The following CBFA2T2 variants were observed in gnomAD, a reference collection of about 807,000 sequenced individuals.
The protein encoded by CBFA2T2 is CBFA2/RUNX1 partner transcriptional co-repressor 2.
Under a neutral mutation model 62.2 loss-of-function variants are expected in CBFA2T2, and 11 were observed. The observed-to-expected ratio is 0.18, with a 90% CI of 0.11 to 0.29. The LOEUF (loss-of-function observed/expected upper bound fraction) is 0.29. Ranked by LOEUF, CBFA2T2 falls within the 10% of genes least tolerant of loss-of-function variation. CBFA2T2 has a pLI of 1.00. For synonymous variants in CBFA2T2, 295 were observed against 287.5 expected, an observed-to-expected ratio of 1.03 and a Z score of -0.27; for missense variants, 592 against 774.1, an observed-to-expected ratio of 0.76 and a Z score of 2.79.
intron 1 of CBFA2T2, among the ~76,000 whole-genome samples, chr20:33,503,808 C>G (rs1458611684): frequency 1.3e-5 from 2 of 151,662 alleles, no homozygotes; most frequent in Non-Finnish European, 2.9e-5. Context: ...GCATATGCCA[C>G]TATGCGTGGC....
intron 6 of CBFA2T2, among the ~76,000 whole-genome samples, chr20:33,626,964 T>A (rs8124664): frequency 0.12 from 18,697 of 152,200 alleles, 3,182 homozygotes; most frequent in African/African-American, 0.37. Flanking sequence ...CAAAAATCAC[T>A]TAGCTAATAA....
At chr20:33,510,585 G>T (rs569881669) in intron 1 of CBFA2T2, among the ~76,000 whole-genome samples, 3 of 152,078 alleles carry the variant, frequency 2.0e-5, no homozygotes, top group Admixed American at 2.0e-4. Context: ...GAATAGTGCC[G>T]CAATAAACAT....
At chr20:33,503,710 C>T (rs1277465557) in intron 1 of CBFA2T2, among the ~76,000 whole-genome samples, 2 of 152,084 alleles carry the variant, frequency 1.3e-5, no homozygotes, top group Non-Finnish European at 2.9e-5. Flanking sequence ...TTTTTTGTGA[C>T]AGGGTCTTAC....
intron 1 of CBFA2T2, among the ~76,000 whole-genome samples, chr20:33,590,170 C>T (rs2146924650): frequency 6.6e-6 from 1 of 151,288 alleles, no homozygotes; most frequent in African/African-American, 2.4e-5. Context: ...CTCTTGAACC[C>T]AGGAGGTTCA....
chr20:33,510,538 A>T (rs565677159), intron 1 of CBFA2T2, among the ~76,000 whole-genome samples: 6 of 152,202 alleles, frequency 3.9e-5, no homozygotes, highest in Admixed American at 2.6e-4. Context: ...TCTATCATTG[A>T]TGGACATTTG....
intron 1 of CBFA2T2, among the ~76,000 whole-genome samples, chr20:33,585,551 T>C (rs1369821950): frequency 6.6e-6 from 1 of 152,212 alleles, no homozygotes; most frequent in Non-Finnish European, 1.5e-5. Context: ...CATTCTCTTG[T>C]GGTATAAATT....
Position 33,581,048 on chromosome 20 carries a change from G to A in CBFA2T2, c.35-25908G>A, listed in dbSNP as rs552411095. ...CCTCCCCGTCCTGTCCATCCATCCC[G>A]TCCCTCCTTCTTTCCTTCTTTCTTT... On this transcript the variant is annotated intron_variant, in intron 1 of 10. Coordinates refer to ENST00000342704, the MANE Select transcript of CBFA2T2 (RefSeq NM_001032999.3). Among the ~76,000 whole-genome samples, 7 of 137,534 alleles carry A rather than the reference G, an allele frequency of 5.1e-5. No individual in the cohort carries two copies. In the South Asian group the frequency reaches 7.9e-4, roughly 16 times the overall value. The allele number at this position is 137,534 out of a possible 152,430, so 90.2% of individuals were successfully genotyped here. A position where few individuals can be genotyped will look rare whatever the true frequency, so the allele number is the denominator to read the frequency against.
intron 1 of CBFA2T2, among the ~76,000 whole-genome samples, chr20:33,591,905 T>TG (rs2014663736): frequency 6.6e-6 from 1 of 152,130 alleles, no homozygotes; most frequent in South Asian, 2.1e-4. Flanking sequence ...GTGTTCATGC[T>TG]GTCTCCATTT....
chr20:33,507,396 G>A (rs2011421973), intron 1 of CBFA2T2, among the ~76,000 whole-genome samples: 1 of 152,134 alleles, frequency 6.6e-6, no homozygotes, highest in African/African-American at 2.4e-5. Context: ...GCATGTGTGA[G>A]TGTGTTTCAA....
rs770684663 is a variant in CBFA2T2, at chr20:33,649,830, AGG to A, written c.*5188_*5189del. 2 of 152,606 alleles carry A rather than the reference AGG, an allele frequency of 1.3e-5. No individual in the cohort carries two copies. The highest frequency in any genetic ancestry group is 2.4e-5 in the African/African-American group (1 of 41,452). The allele number at this position is 152,606 out of a possible 1,614,324, so 9.5% of individuals were successfully genotyped here. On this transcript the variant is annotated 3_prime_UTR_variant, in exon 11 of 11. Transcript: ENST00000342704. ...CGAAGCCTCCACGCGTGGTTTTTAAAGGGGGATGATGAATGTGACACCACCCA... is the reference window on the plus strand; with the variant it reads ...CGAAGCCTCCACGCGTGGTTTTTAAAGGGATGATGAATGTGACACCACCCA...
At chr20:33,565,088 T>A (rs1431633306) in intron 1 of CBFA2T2, among the ~76,000 whole-genome samples, 2 of 151,880 alleles carry the variant, frequency 1.3e-5, no homozygotes, top group Non-Finnish European at 2.9e-5. Flanking sequence ...CCCGGCTAAT[T>A]TTTTGTATTT....
At chr20:33,541,728 A>G (rs1296509618) in intron 1 of CBFA2T2, among the ~76,000 whole-genome samples, 3 of 152,122 alleles carry the variant, frequency 2.0e-5, no homozygotes, top group African/African-American at 7.2e-5. Flanking sequence ...TGAAGCCTTT[A>G]TTGTTCTTTG....
chr20:33,643,769 A>AG (rs1457625845), intron 10 of CBFA2T2, among the ~76,000 whole-genome samples: 2 of 3,658 alleles, frequency 5.5e-4, no homozygotes, highest in Admixed American at 2.8e-3. Context: ...ATATATATAT[A>AG]TATATATATA....
chr20:33,599,588 CTTT>C (rs1207752005), intron 1 of CBFA2T2, among the ~76,000 whole-genome samples: 1 of 141,418 alleles, frequency 7.1e-6, no homozygotes, highest in Non-Finnish European at 1.5e-5. Context: ...GGTAATTTCC[CTTT>C]TTTTTTTTTT....
rs1209326813 is a variant in CBFA2T2 at position 33,646,506 on chromosome 20, A to C, written c.*1860A>C. The C allele has an allele frequency of 6.6e-6, 1 of 152,108 alleles. No homozygotes were observed. The highest frequency in any genetic ancestry group is 1.5e-5 in the Non-Finnish European group (1 of 68,042). The allele number at this position is 152,108 out of a possible 1,614,324, so 9.4% of individuals were successfully genotyped here. A position where few individuals can be genotyped will look rare whatever the true frequency, so the allele number is the denominator to read the frequency against. On this transcript the variant is annotated 3_prime_UTR_variant, in exon 11 of 11. Transcript: ENST00000342704. ...TAAAAGTTGTCAGTACCATAAAGGA[A>C]AAGGGATCCACACAGGTAGCCTTCT...
intron 1 of CBFA2T2, among the ~76,000 whole-genome samples, chr20:33,510,898 AT>A (rs1042758680): frequency 6.6e-6 from 1 of 152,250 alleles, no homozygotes; most frequent in East Asian, 1.9e-4. Flanking sequence ...GTTGATGAGC[AT>A]TTTTTATGTG....
chr20:33,527,868 TTTTATTTTC>T (rs1027100607), intron 1 of CBFA2T2, among the ~76,000 whole-genome samples: 1 of 152,046 alleles, frequency 6.6e-6, no homozygotes, highest in African/African-American at 2.4e-5. Context: ...TTTATGTTTG[TTTTATTTTC>T]TTTTTTTTCT....
At chr20:33,643,877 C>T (rs1302692693) in intron 10 of CBFA2T2, among the ~76,000 whole-genome samples, 3 of 101,178 alleles carry the variant, frequency 3.0e-5, no homozygotes, top group Admixed American at 1.0e-4. Context: ...TGTATAATTA[C>T]AAAAATTAGC....
At chr20:33,499,412 T>A (rs1054193492) in intron 1 of CBFA2T2, among the ~76,000 whole-genome samples, 2 of 152,232 alleles carry the variant, frequency 1.3e-5, no homozygotes, top group African/African-American at 4.8e-5. Context: ...TTAGTAAGAT[T>A]ACCAAGGAAG....
Sources: allele counts gnomAD v4.1 joint callset (sites outside exome capture counted in the v4.1 genomes callset), GRCh38; gene constraint gnomAD v4.1.1; transcripts MANE v1.5; gene names NCBI Gene and HGNC (gene_info 2026-07-23, HGNC 2026-07-21).